The following C1orf21 variants were observed in gnomAD, a reference collection of about 807,000 sequenced individuals.
C1orf21 encodes chromosome 1 open reading frame 21, also known as uncharacterized protein C1orf21.
Under a neutral mutation model 18.7 loss-of-function variants are expected in C1orf21, and 3 were observed. The ratio of observed to expected loss-of-function variants is 0.16; its 90% CI spans 0.07 to 0.42. C1orf21 has a LOEUF of 0.42. Ranked by LOEUF, C1orf21 falls within the 10% of genes least tolerant of loss-of-function variation. The probability of loss-of-function intolerance (pLI) is 0.99; values close to 1 mark genes in which losing one functional copy is unlikely to be tolerated. For synonymous variants in C1orf21, 41 were observed against 46.4 expected (o/e 0.88, Z 0.47); for missense variants, 104 against 143.6 (o/e 0.72, Z 1.41).
At position 184,516,829 on chromosome 1, in the gene C1orf21, T is replaced by G. The variant is rs139433101; in HGVS notation, c.189+9147T>G. 2.0e-3 allele frequency among the ~76,000 whole-genome samples: 309 copies of G among 152,268 alleles called. 3 individuals carry two copies. The highest frequency in any genetic ancestry group is 7.0e-3 in the African/African-American group (289 of 41,552). On this transcript the variant is annotated intron_variant, in intron 3 of 5. Transcript: ENST00000235307. ...GGTGGGGACACAGAGCCAAACCATA[T>G]TAACATCCAGCTGCAGAAATGAAGA... is the stretch of plus-strand genomic sequence containing the variant.
At chr1:184,458,729 A>G (rs1657257616) in intron 1 of C1orf21, among the ~76,000 whole-genome samples, 1 of 152,224 alleles carries the variant, frequency 6.6e-6, no homozygotes. Flanking sequence ...ATTCCTAAAT[A>G]TGTGCCATAA....
At chr1:184,488,775 G>A (rs1342800772) in intron 2 of C1orf21, among the ~76,000 whole-genome samples, 1 of 152,174 alleles carries the variant, frequency 6.6e-6, no homozygotes, top group Non-Finnish European at 1.5e-5. Context: ...AACCAGCCTG[G>A]GCAACACGGT....
chr1:184,546,270 A>G (rs578097275), intron 3 of C1orf21, among the ~76,000 whole-genome samples: 186 of 152,192 alleles, frequency 1.2e-3, no homozygotes, highest in African/African-American at 4.4e-3. Context: ...CCCTGTCTCT[A>G]CTAAAAATAT....
chr1:184,474,128 T>C (rs1206545198), intron 1 of C1orf21, among the ~76,000 whole-genome samples: 2 of 152,208 alleles, frequency 1.3e-5, no homozygotes, highest in African/African-American at 2.4e-5. Context: ...ATGAGTAAAT[T>C]ACTAAAATAT....
At chr1:184,450,855 A>G (rs186828878) in intron 1 of C1orf21, among the ~76,000 whole-genome samples, 2 of 152,322 alleles carry the variant, frequency 1.3e-5, no homozygotes, top group Non-Finnish European at 1.5e-5. Flanking sequence ...CACCAACAGT[A>G]TAAAAATTGT....
intron 1 of C1orf21, among the ~76,000 whole-genome samples, chr1:184,450,045 C>T (rs1392613497): frequency 6.6e-6 from 1 of 152,016 alleles, no homozygotes; most frequent in African/African-American, 2.4e-5. Context: ...AAGATTGGGG[C>T]GTGTGGTGTC....
At chr1:184,610,833 CGA>C (rs1558014214) in intron 5 of C1orf21, among the ~76,000 whole-genome samples, 1 of 142,422 alleles carries the variant, frequency 7.0e-6, no homozygotes, top group Admixed American at 7.3e-5. Context: ...AGCAACAGAG[CGA>C]GACTCTGACT....
At chr1:184,575,284 T>C (rs2101991772) in intron 3 of C1orf21, among the ~76,000 whole-genome samples, 1 of 152,306 alleles carries the variant, frequency 6.6e-6, no homozygotes, top group East Asian at 1.9e-4. Flanking sequence ...ATTTGATTAT[T>C]GACTGTTCAG....
intron 2 of C1orf21, among the ~76,000 whole-genome samples, chr1:184,495,629 A>G (rs1244594556): frequency 2.0e-5 from 3 of 152,136 alleles, no homozygotes; most frequent in African/African-American, 7.2e-5. Flanking sequence ...TGTTTATTAC[A>G]AGATATGGTG....
At chr1:184,491,593 C>G (rs2101956324) in intron 2 of C1orf21, among the ~76,000 whole-genome samples, 1 of 152,322 alleles carries the variant, frequency 6.6e-6, no homozygotes, top group African/African-American at 2.4e-5. Context: ...CTCAAGCAAT[C>G]TGCCCACCTT....
intron 1 of C1orf21, among the ~76,000 whole-genome samples, chr1:184,438,606 T>C (rs1656897130): frequency 6.6e-6 from 1 of 152,128 alleles, no homozygotes; most frequent in Non-Finnish European, 1.5e-5. Flanking sequence ...GCTGGGCCAG[T>C]GTGTTGTTAC....
At chr1:184,420,663 A>C (rs923022000) in intron 1 of C1orf21, among the ~76,000 whole-genome samples, 3 of 152,186 alleles carry the variant, frequency 2.0e-5, no homozygotes, top group Non-Finnish European at 2.9e-5. Flanking sequence ...AATCCAAAAA[A>C]TGTTTTATTT....
rs570814519 is a variant in C1orf21, at chr1:184,600,661, C to T, written c.327+2200C>T. On this transcript the variant is annotated intron_variant, in intron 5 of 5. Transcript: ENST00000235307. ...TGATCATTCGTTGGATGGAAGCTTC[C>T]CTGGACAAAAGAGCATTGGTAGATT... 1.7e-4 allele frequency among the ~76,000 whole-genome samples: 26 copies of T among 152,186 alleles called. No individual in the cohort carries two copies. In the South Asian group the frequency reaches 5.2e-3, roughly 30 times the overall value.
intron 1 of C1orf21, among the ~76,000 whole-genome samples, chr1:184,436,275 G>A (rs773817684): frequency 4.6e-5 from 7 of 152,136 alleles, no homozygotes; most frequent in Non-Finnish European, 8.8e-5. Context: ...TGGGGCGATG[G>A]AGTAGTTCTT....
intron 1 of C1orf21, among the ~76,000 whole-genome samples, chr1:184,400,682 TG>T (rs1473691558): frequency 2.8e-5 from 3 of 107,530 alleles, no homozygotes; most frequent in South Asian, 2.6e-4. Flanking sequence ...GGGAATTTTT[TG>T]TTGTTGTTGT....
intron 1 of C1orf21, among the ~76,000 whole-genome samples, chr1:184,463,060 C>T (rs1048224536): frequency 2.3e-5 from 3 of 132,656 alleles, no homozygotes; most frequent in East Asian, 2.1e-4. Context: ...CTGGCCTGGG[C>T]GACACGAGCA....
At chr1:184,530,159 T>C (rs750021817) in intron 3 of C1orf21, among the ~76,000 whole-genome samples, 4 of 152,170 alleles carry the variant, frequency 2.6e-5, no homozygotes, top group Admixed American at 2.0e-4. Context: ...TTAAAACATA[T>C]CCCATACATG....
chr1:184,501,138 C>A (rs1208390289), intron 2 of C1orf21, among the ~76,000 whole-genome samples: 1 of 152,216 alleles, frequency 6.6e-6, no homozygotes, highest in Non-Finnish European at 1.5e-5. Context: ...AGAGGCTTAG[C>A]CTATTAATGG....
intron 3 of C1orf21, among the ~76,000 whole-genome samples, chr1:184,570,419 T>C (rs569126711): frequency 6.6e-6 from 1 of 152,312 alleles, no homozygotes; most frequent in South Asian, 2.1e-4. Context: ...CACAGTCCCC[T>C]TGCATGAAAT....
Sources: allele counts gnomAD v4.1 joint callset (sites outside exome capture counted in the v4.1 genomes callset), GRCh38; gene constraint gnomAD v4.1.1; transcripts MANE v1.5; gene names NCBI Gene and HGNC (gene_info 2026-07-23, HGNC 2026-07-21).